The following ANKRD30B variants were observed in gnomAD, a reference collection of about 807,000 sequenced individuals.
The protein encoded by ANKRD30B is ankyrin repeat domain-containing protein 30B.
In ANKRD30B, 144 loss-of-function variants were observed where a neutral mutation model predicts 202.2. The ratio of observed to expected loss-of-function variants is 0.71; its 90% CI spans 0.62 to 0.82. The LOEUF is 0.82. Ranked by LOEUF, ANKRD30B falls within the 40% of genes least tolerant of loss-of-function variation. The pLI, the probability that ANKRD30B is intolerant of heterozygous loss-of-function variation, is 0.00. For missense variants in ANKRD30B, 1,487 were observed against 1,669.1 expected, an observed-to-expected ratio of 0.89 and a Z score of 1.90; for synonymous variants, 508 against 561.3, an observed-to-expected ratio of 0.91 and a Z score of 1.34.
the ANKRD30B span, among the ~76,000 whole-genome samples, chr18:14,866,524 G>T: frequency 6.6e-6 from 1 of 152,160 alleles, no homozygotes; most frequent in African/African-American, 2.4e-5. Flanking sequence ...CTAGGAGAAG[G>T]TGGGGACCGT....
chr18:14,797,524 C>A (rs1481128852), intron 18 of ANKRD30B, 137 bp from the exon 19 acceptor site: 2 of 992,746 alleles, frequency 2.0e-6, no homozygotes, highest in Non-Finnish European at 3.1e-6. Context: ...TACAATAACC[C>A]AAAGGACCCC....
At chr18:14,763,564 A>G in intron 6 of ANKRD30B, 122 bp from the exon 7 acceptor site, 2 of 1,383,338 alleles carry the variant, frequency 1.4e-6, no homozygotes, top group Non-Finnish European at 2.0e-6. Context: ...AAGAGAAGAG[A>G]GAAAAGAAAA....
the ANKRD30B span, among the ~76,000 whole-genome samples, chr18:14,876,722 C>T: frequency 1.5e-3 from 229 of 152,318 alleles, no homozygotes; most frequent in African/African-American, 5.2e-3. Flanking sequence ...GTATATTTTG[C>T]ATTCCTGAAA....
the ANKRD30B span, chr18:14,877,844 C>A: frequency 6.6e-6 from 1 of 152,162 alleles, no homozygotes; most frequent in Non-Finnish European, 1.5e-5. Context: ...CTGAGAGAGC[C>A]CTGGCTTTGT....
rs1008353139 is a variant in ANKRD30B, at chr18:14,831,187, A to G, written c.2775-196A>G. 2.0e-5 allele frequency among the ~76,000 whole-genome samples: 3 copies of G among 150,704 alleles called. No individual in the cohort carries two copies. The East Asian group carries it at 5.8e-4, about 29-fold the overall frequency. On this transcript the variant is annotated intron_variant, in intron 33 of 43. Transcript: ENST00000690538. ...AGAGCGAGACTCCGTCTCGGAAAAA[A>G]AAAAAAAAAAAAACGAAAACCAGAT...
downstream of ANKRD30B, among the ~76,000 whole-genome samples, chr18:14,859,142 C>G (rs1972143496): frequency 7.9e-6 from 1 of 126,790 alleles, no homozygotes; most frequent in Non-Finnish European, 1.7e-5. Context: ...GACGGGGAGA[C>G]CAGGAAGAGG....
At chr18:14,913,797 C>T in the ANKRD30B span, among the ~76,000 whole-genome samples, 1 of 152,056 alleles carries the variant, frequency 6.6e-6, no homozygotes, top group African/African-American at 2.4e-5. Flanking sequence ...GATGTGTTTC[C>T]CATGTGGTTT....
chr18:14,864,313 C>A, the ANKRD30B span, among the ~76,000 whole-genome samples: 2 of 151,850 alleles, frequency 1.3e-5, no homozygotes, highest in South Asian at 2.1e-4. Flanking sequence ...CCAGCCTGGG[C>A]AACAGAGCAG....
At chr18:14,778,134 G>A in intron 10 of ANKRD30B, 59 bp downstream of exon 10, 2 of 1,116,600 alleles carry the variant, frequency 1.8e-6, no homozygotes, top group Admixed American at 2.2e-5. Flanking sequence ...AAATTCATGA[G>A]GACTGATATA....
intron 33 of ANKRD30B, among the ~76,000 whole-genome samples, chr18:14,828,702 T>G (rs1315776594): frequency 6.6e-6 from 1 of 152,218 alleles, no homozygotes; most frequent in African/African-American, 2.4e-5. Context: ...TTGTTATATG[T>G]TAACTCTTTT....
the ANKRD30B span, among the ~76,000 whole-genome samples, chr18:14,921,564 G>GGA: frequency 6.6e-6 from 1 of 151,010 alleles, no homozygotes; most frequent in Admixed American, 6.6e-5. Flanking sequence ...AGTAAAAAGG[G>GGA]AAAAAAAAAT....
chr18:14,815,930 G>A (rs1363595724), intron 30 of ANKRD30B, among the ~76,000 whole-genome samples: 1 of 152,024 alleles, frequency 6.6e-6, no homozygotes, highest in African/African-American at 2.4e-5. Flanking sequence ...GAAAATTAGT[G>A]GATATTTATA....
chr18:14,842,863 T>C, intron 37 of ANKRD30B, 34 bp from the exon 38 acceptor site: 1 of 1,547,066 alleles, frequency 6.5e-7, no homozygotes, highest in Non-Finnish European at 8.7e-7. Context: ...TCATATTTAC[T>C]TATGACTGAT....
intron 5 of ANKRD30B, among the ~76,000 whole-genome samples, chr18:14,760,348 A>C (rs546427868): frequency 2.6e-5 from 4 of 152,266 alleles, no homozygotes; most frequent in Non-Finnish European, 4.4e-5. Flanking sequence ...CCCTCAATTC[A>C]TGAGTATTTC....
Position 14,853,810 on chromosome 18 carries a change from T to G in ANKRD30B, c.4478T>G (p.Val1493Gly), listed in dbSNP as rs1382611426. The change falls in exon 43 of 44, where the codon GTC becomes GGC. Residue 1493 changes from valine to glycine, a missense_variant and splice_region_variant. Transcript: ENST00000690538. ...QYEKEKAERE[V>G]IVRQLQKKLA... The stretch of plus-strand genomic sequence containing the variant: ...AAAATCAAAAACATGTCTTTTCAGG[T>G]CATTGTGAGACAACTTCAAAAAAAA... Among the ~76,000 whole-genome samples, 4 of 152,168 alleles carry G rather than the reference T, an allele frequency of 2.6e-5. No individual in the cohort carries two copies. The highest frequency in any genetic ancestry group is 5.9e-5 in the Non-Finnish European group (4 of 68,022).
chr18:14,819,628 C>T (rs1417573959), intron 30 of ANKRD30B, among the ~76,000 whole-genome samples: 2 of 151,950 alleles, frequency 1.3e-5, no homozygotes, highest in Non-Finnish European at 2.9e-5. Flanking sequence ...GAATCCTTTC[C>T]CCATTGCTTG....
chr18:14,914,892 G>A, the ANKRD30B span, among the ~76,000 whole-genome samples: 1 of 152,146 alleles, frequency 6.6e-6, no homozygotes, highest in East Asian at 1.9e-4. Context: ...CTGGACGAGA[G>A]ACAACATTAG....
At chr18:14,751,505 A>G (rs994150262) in intron 1 of ANKRD30B, among the ~76,000 whole-genome samples, 7 of 151,340 alleles carry the variant, frequency 4.6e-5, no homozygotes, top group East Asian at 2.0e-4. Flanking sequence ...AAACAAAAAC[A>G]CTTCTGAAGT....
chr18:14,764,202 C>A, intron 7 of ANKRD30B, 112 bp downstream of exon 7: 1 of 1,124,536 alleles, frequency 8.9e-7, no homozygotes, highest in Non-Finnish European at 1.2e-6. Context: ...ATAAGGCAAG[C>A]TTAGGCAACA....
Sources: gnomAD v4.1 joint callset for allele counts (sites outside exome capture counted in the v4.1 genomes callset) on GRCh38, gnomAD v4.1.1 for gene constraint, MANE v1.5 for transcripts, NCBI Gene and HGNC (gene_info 2026-07-23, HGNC 2026-07-21) for gene names.